Variants in MYO1E observed in about 807,000 individuals in gnomAD.
The protein encoded by MYO1E is myosin IE.
A neutral mutation model predicts 151.1 loss-of-function variants in MYO1E; 68 were observed. The observed-to-expected ratio is 0.45, with a 90% CI of 0.37 to 0.55. MYO1E has a LOEUF of 0.55. Ranked by LOEUF, MYO1E falls within the 20% of genes least tolerant of loss-of-function variation. The pLI, the probability that MYO1E is intolerant of heterozygous loss-of-function variation, is 0.00. For missense variants in MYO1E, 1,363 were observed against 1,389.3 expected, an observed-to-expected ratio of 0.98 and a Z score of 0.30; for synonymous variants, 601 against 501.7, an observed-to-expected ratio of 1.20 and a Z score of -2.64.
chr15:59,214,772 A>C (rs747416644), intron 10 of MYO1E, 52 bp from the exon 11 acceptor site: 1 of 1,394,096 alleles, frequency 7.2e-7, no homozygotes, highest in South Asian at 1.2e-5. Flanking sequence ...CATACTAAAA[A>C]CGGGCATGCA....
chr15:59,254,411 A>T (rs1230360445), intron 4 of MYO1E, among the ~76,000 whole-genome samples: 3 of 152,124 alleles, frequency 2.0e-5, no homozygotes, highest in Non-Finnish European at 4.4e-5. Flanking sequence ...CTGATCTCCA[A>T]TTCCTGGCCT....
intron 1 of MYO1E, among the ~76,000 whole-genome samples, chr15:59,354,104 T>C (rs2080840491): frequency 6.6e-6 from 1 of 152,120 alleles, no homozygotes; most frequent in Admixed American, 6.5e-5. Context: ...AGGGCAAACA[T>C]TAAGAGCCAT....
Position 59,227,599 on chromosome 15 carries a change from AAGTT to A in MYO1E, c.511-13_511-10del, listed in dbSNP as rs2079999930. 1.2e-6 allele frequency: 2 copies of A among 1,613,956 alleles called. No individual in the cohort carries two copies. The highest frequency in any genetic ancestry group is 2.7e-5 in the African/African-American group (2 of 74,924). On this transcript the variant is annotated splice_polypyrimidine_tract_variant and intron_variant, in intron 6 of 27. Transcript: ENST00000288235. ...ATTTCAAAGTATTTTCCCTGCAAGA[AAGTT>A]AGGGATTTCCTTCAATGGTTGGTGA...
At chr15:59,280,565 T>G (rs1270648398) in intron 1 of MYO1E, among the ~76,000 whole-genome samples, 2 of 146,878 alleles carry the variant, frequency 1.4e-5, no homozygotes, top group Non-Finnish European at 3.0e-5. Flanking sequence ...GAGGTTGCAG[T>G]GAGCTGAGAT....
intron 17 of MYO1E, among the ~76,000 whole-genome samples, chr15:59,193,652 A>G (rs1340157754): frequency 6.6e-6 from 1 of 152,208 alleles, no homozygotes; most frequent in Non-Finnish European, 1.5e-5. Context: ...AAAGGTGTCC[A>G]GTGGCAAAGT....
intron 26 of MYO1E, among the ~76,000 whole-genome samples, chr15:59,153,044 A>G (rs1012648803): frequency 4.6e-5 from 7 of 152,170 alleles, no homozygotes; most frequent in African/African-American, 1.7e-4. Context: ...ATATCTACAC[A>G]GAGTTTCAGG....
intron 1 of MYO1E, among the ~76,000 whole-genome samples, chr15:59,282,938 GGGAGGGGGAGGGGGGA>G: frequency 3.3e-4 from 1 of 2,998 alleles, no homozygotes; most frequent in African/African-American, 1.0e-3. Flanking sequence ...GAGGGGGAGG[GGGAGGGGGAGGGGGGA>G]GAGGGGAGGG....
chr15:59,233,467 C>T (rs146534048), intron 5 of MYO1E, among the ~76,000 whole-genome samples: 23 of 152,106 alleles, frequency 1.5e-4, no homozygotes, highest in African/African-American at 5.5e-4. Context: ...AGATCAAGAC[C>T]ATCCTGGCCA....
rs754796656 is a variant in MYO1E, at chr15:59,174,169, C to T, written c.2121G>A (p.Arg707=). 2 of 1,614,078 alleles carry T rather than the reference C, an allele frequency of 1.2e-6. No homozygotes were observed. The highest frequency in any genetic ancestry group is 2.2e-5 in the South Asian group (2 of 91,076). ...CGTATTTCTTCCGGGCCACGAATTT[C>T]CTCCATGATTTCTGTATCACTCGAG... ...GYARVIQKSW[R]KFVARKKYVQ... The change falls in exon 20 of 28, where the codon AGG becomes AGA. Residue 707 remains arginine, a synonymous_variant. Coordinates refer to ENST00000288235, the MANE Select transcript of MYO1E (RefSeq NM_004998.4).
rs927120257 is a variant in MYO1E, at chr15:59,261,289, A to G, written c.237+131T>C. The G allele has an allele frequency of 9.8e-4, 461 of 469,372 alleles. 8 individuals carry two copies. Among genetic ancestry groups the G allele is most frequent in the Non-Finnish European group, 1.9e-4 (48 of 256,932 alleles). 29.1% of individuals were successfully genotyped at this position (469,372 alleles called of 1,614,324 possible). Reference sequence around the variant, plus strand: ...AAAGCAGATCATTAAAAATCAAACAATGTCACTCAAGTTTCTCCAATAAAA... The same window carrying G: ...AAAGCAGATCATTAAAAATCAAACAGTGTCACTCAAGTTTCTCCAATAAAA... On this transcript the variant is annotated intron_variant, in intron 3 of 27. Transcript: ENST00000288235.
chr15:59,328,942 A>G (rs1437238786), intron 1 of MYO1E, among the ~76,000 whole-genome samples: 2 of 152,168 alleles, frequency 1.3e-5, no homozygotes, highest in Non-Finnish European at 2.9e-5. Flanking sequence ...AGGTTAAGAA[A>G]CTTTGCCCAC....
At chr15:59,333,977 C>T (rs2080713221) in intron 1 of MYO1E, among the ~76,000 whole-genome samples, 2 of 152,144 alleles carry the variant, frequency 1.3e-5, no homozygotes, top group South Asian at 2.1e-4. Flanking sequence ...AGTTTTGTGG[C>T]AGTGGATATA....
chr15:59,217,820 A>G (rs1002223450), intron 10 of MYO1E, 71 bp downstream of exon 10: 14 of 1,556,376 alleles, frequency 9.0e-6, no homozygotes, highest in Non-Finnish European at 1.2e-5. Flanking sequence ...GAGCCACCGC[A>G]CCCAGCCTAC....
chr15:59,168,819 C>T (rs2079576064), intron 22 of MYO1E, among the ~76,000 whole-genome samples: 1 of 152,086 alleles, frequency 6.6e-6, no homozygotes, highest in South Asian at 2.1e-4. Flanking sequence ...TGGGTTCTTA[C>T]TATGTTGCCC....
intron 18 of MYO1E, among the ~76,000 whole-genome samples, chr15:59,179,862 C>T (rs2079647907): frequency 6.6e-6 from 1 of 152,368 alleles, no homozygotes; most frequent in Non-Finnish European, 1.5e-5. Context: ...ATAGAATCAT[C>T]ATGGGTATGT....
At chr15:59,220,623 C>T (rs2079948622) in intron 9 of MYO1E, among the ~76,000 whole-genome samples, 2 of 152,022 alleles carry the variant, frequency 1.3e-5, no homozygotes, top group African/African-American at 4.8e-5. Context: ...ACTACCACTT[C>T]CCTCTACAAA....
At chr15:59,245,396 T>C (rs2080123579) in intron 4 of MYO1E, among the ~76,000 whole-genome samples, 1 of 152,240 alleles carries the variant, frequency 6.6e-6, no homozygotes, top group African/African-American at 2.4e-5. Flanking sequence ...GCTCCAGTGA[T>C]GACTACTATC....
At position 59,172,014 on chromosome 15, in the gene MYO1E, G is replaced by C. The variant is rs754520002; in HGVS notation, c.2363C>G (p.Pro788Arg). The C allele has an allele frequency of 1.2e-6, 2 of 1,614,162 alleles. No individual in the cohort carries two copies. Among genetic ancestry groups the C allele is most frequent in the South Asian group, 2.2e-5 (2 of 91,082 alleles). ...TCGTCCGATTAAGTACAAGCACTTT[G>C]GGGTAAGGAGCAGGTCTCGCTTTAC... ...KGVKRDLLLT[P>R]KCLYLIGREK... is the part of the protein sequence containing the mutation. The change falls in exon 22 of 28, where the codon CCA becomes CGA. Residue 788 changes from proline to arginine, a missense_variant. By Grantham distance (103) the Pro-to-Arg change is moderately radical. Transcript: ENST00000288235.
At chr15:59,204,713 C>G (rs1442951166) in intron 15 of MYO1E, among the ~76,000 whole-genome samples, 1 of 152,186 alleles carries the variant, frequency 6.6e-6, no homozygotes, top group Non-Finnish European at 1.5e-5. Context: ...CTCTTAGTCA[C>G]TCCTTCTTTA....
Sources: gnomAD v4.1 joint callset for allele counts (sites outside exome capture counted in the v4.1 genomes callset) on GRCh38, gnomAD v4.1.1 for gene constraint, MANE v1.5 for transcripts, NCBI Gene and HGNC (gene_info 2026-07-23, HGNC 2026-07-21) for gene names.